Variants in ABCA12 observed in about 807,000 individuals in gnomAD.
The protein encoded by ABCA12 is ATP binding cassette subfamily A member 12.
In ABCA12, 156 loss-of-function variants were observed where a neutral mutation model predicts 293.5. The ratio of observed to expected loss-of-function variants is 0.53; its 90% CI spans 0.47 to 0.61. The LOEUF (loss-of-function observed/expected upper bound fraction) is 0.61. Among genes scored for constraint, ABCA12 ranks in the 20% least tolerant of loss-of-function variants. The pLI is 0.00. For synonymous variants in ABCA12, 1,063 were observed against 1,108.0 expected (o/e 0.96, Z 0.81); for missense variants, 2,797 against 3,090.2 (o/e 0.91, Z 2.25).
At chr2:214,953,559 T>C (rs1698846833) in intron 44 of ABCA12, among the ~76,000 whole-genome samples, 1 of 152,238 alleles carries the variant, frequency 6.6e-6, no homozygotes, top group South Asian at 2.1e-4. Context: ...CTACATCTTT[T>C]GTTCATTTAC....
At chr2:214,981,155 C>T (rs749198832) in intron 30 of ABCA12, among the ~76,000 whole-genome samples, 13 of 150,950 alleles carry the variant, frequency 8.6e-5, no homozygotes, top group African/African-American at 2.9e-4. Flanking sequence ...AATATTTGGA[C>T]GCATTTTTTT....
In ABCA12 at chr2:214,947,557, C is replaced by G. The variant is rs1559107162; in HGVS notation, c.7105-1G>C. On this transcript the variant is annotated splice_acceptor_variant, in intron 47 of 52. Transcript: ENST00000272895. LOFTEE classifies it high-confidence loss of function. The stretch of plus-strand genomic sequence containing the variant: ...GTCTCCTAAGGAGTTTATGAACAGT[C>G]TGTAGGCAATAAAAGGGGAGTTAGG... 1 of 1,613,526 alleles carries G rather than the reference C, an allele frequency of 6.2e-7. No homozygotes were observed. The highest frequency in any genetic ancestry group is 1.7e-5 in the Admixed American group (1 of 59,956).
chr2:215,118,916 A>G (rs1021415884), intron 1 of ABCA12, among the ~76,000 whole-genome samples: 1 of 152,118 alleles, frequency 6.6e-6, no homozygotes, highest in African/African-American at 2.4e-5. Flanking sequence ...GACCTCTGTT[A>G]CATGCATAGT....
chr2:214,960,602 CT>C (rs1268537533), intron 39 of ABCA12: 1 of 152,006 alleles, frequency 6.6e-6, no homozygotes, highest in Non-Finnish European at 1.5e-5. Flanking sequence ...TCAGTAAATG[CT>C]TTTAAATGAA....
intron 52 of ABCA12, 123 bp downstream of exon 52, chr2:214,933,955 A>T: frequency 9.7e-7 from 1 of 1,026,238 alleles, no homozygotes; most frequent in African/African-American, 1.6e-5. Flanking sequence ...TAAGTTTTTC[A>T]GGTGCAAGAC....
intron 39 of ABCA12, among the ~76,000 whole-genome samples, chr2:214,960,817 C>A (rs573964380): frequency 6.6e-6 from 1 of 151,932 alleles, no homozygotes; most frequent in Non-Finnish European, 1.5e-5. Context: ...AGTTGTATAA[C>A]ATTTGTTAAG....
At chr2:214,970,460 C>A in intron 36 of ABCA12, 60 bp from the exon 37 acceptor site, 1 of 1,590,596 alleles carries the variant, frequency 6.3e-7, no homozygotes, top group African/African-American at 1.3e-5. Flanking sequence ...GTTAAATAGA[C>A]AATGTCAAGG....
chr2:214,971,750 C>T (rs1426851561), intron 36 of ABCA12, among the ~76,000 whole-genome samples: 2 of 152,056 alleles, frequency 1.3e-5, no homozygotes, highest in Non-Finnish European at 2.9e-5. Flanking sequence ...GAGCATTATT[C>T]ACATTTCTGA....
In ABCA12 at chr2:215,102,324, C is replaced by T. The variant is rs139638162; in HGVS notation, c.163+9273G>A. On this transcript the variant is annotated intron_variant, in intron 2 of 52. Transcript: ENST00000272895. ...CCTTTAAGATAAAGTCTAGGCCTGA[C>T]GCAATGGCGCATGCCTGTAATCCCA... 1.8e-3 allele frequency among the ~76,000 whole-genome samples: 277 copies of T among 152,272 alleles called. 2 individuals are homozygous for T. The highest frequency in any genetic ancestry group is 6.1e-3 in the African/African-American group (252 of 41,570).
chr2:214,935,778 C>T (rs1342874984), intron 51 of ABCA12, among the ~76,000 whole-genome samples: 1 of 152,130 alleles, frequency 6.6e-6, no homozygotes, highest in Non-Finnish European at 1.5e-5. Flanking sequence ...GCCTGGGCAA[C>T]ATAGCGAGAC....
intron 1 of ABCA12, 36 bp from the exon 2 acceptor site, chr2:215,111,726 T>A: frequency 6.6e-7 from 1 of 1,508,792 alleles, no homozygotes; most frequent in Non-Finnish European, 9.2e-7. Context: ...GTTAGTTTTA[T>A]TGTTGAACCA....
At chr2:215,085,929 A>G (rs1426423388) in intron 2 of ABCA12, among the ~76,000 whole-genome samples, 1 of 152,244 alleles carries the variant, frequency 6.6e-6, no homozygotes, top group Non-Finnish European at 1.5e-5. Context: ...TGTAGTTTTT[A>G]TATAAAGAAT....
intron 3 of ABCA12, among the ~76,000 whole-genome samples, chr2:215,055,398 G>T (rs6435874): frequency 0.61 from 92,229 of 151,776 alleles, 28,392 homozygotes; most frequent in East Asian, 0.72. Flanking sequence ...TGTTTAGTTT[G>T]TTATTAAAAT....
intron 2 of ABCA12, among the ~76,000 whole-genome samples, chr2:215,070,534 C>A (rs1011770417): frequency 9.5e-6 from 1 of 105,234 alleles, no homozygotes; most frequent in Non-Finnish European, 1.8e-5. Flanking sequence ...TCCCTCCCCC[C>A]TCCCCCCACC....
intron 1 of ABCA12, among the ~76,000 whole-genome samples, chr2:215,128,269 T>C (rs1702971750): frequency 1.3e-5 from 2 of 152,220 alleles, no homozygotes; most frequent in Admixed American, 1.3e-4. Context: ...CCGATGAAAA[T>C]GTGCCTAGGC....
intron 6 of ABCA12, among the ~76,000 whole-genome samples, chr2:215,048,698 G>A (rs1334874002): frequency 6.6e-6 from 1 of 152,042 alleles, no homozygotes; most frequent in Admixed American, 6.6e-5. Flanking sequence ...GTGAAGCTGT[G>A]TCTCAGAAAA....
chr2:214,947,700 A>G, intron 47 of ABCA12, 144 bp from the exon 48 acceptor site: 2 of 899,248 alleles, frequency 2.2e-6, no homozygotes, highest in Non-Finnish European at 3.4e-6. Context: ...CTTAAATTCA[A>G]CATAGATTTT....
At chr2:214,992,928 C>A (rs917684254) in intron 23 of ABCA12, among the ~76,000 whole-genome samples, 5 of 152,108 alleles carry the variant, frequency 3.3e-5, no homozygotes, top group Admixed American at 2.6e-4. Flanking sequence ...CCAATTTTTT[C>A]TTTTTTCAAA....
At chr2:215,031,734 C>T (rs1559157035) in intron 9 of ABCA12, 87 bp downstream of exon 9, 2 of 1,513,076 alleles carry the variant, frequency 1.3e-6, no homozygotes, top group East Asian at 2.3e-5. Context: ...TGCTTATATA[C>T]ACTGATAAGC....
Sources: allele counts gnomAD v4.1 joint callset (sites outside exome capture counted in the v4.1 genomes callset), GRCh38; gene constraint gnomAD v4.1.1; transcripts MANE v1.5; gene names NCBI Gene and HGNC (gene_info 2026-07-23, HGNC 2026-07-21).